LINGO2: variants seen among roughly 807,000 people sequenced by gnomAD.
LINGO2 encodes leucine rich repeat and Ig domain containing 2.
In LINGO2, 14 loss-of-function variants were observed where a neutral mutation model predicts 30.6. That is an observed-to-expected ratio of 0.46 (90% CI 0.30 to 0.72). LINGO2 has a LOEUF of 0.72. Among genes scored for constraint, LINGO2 ranks in the 30% least tolerant of loss-of-function variants. The pLI, the probability that LINGO2 is intolerant of heterozygous loss-of-function variation, is 0.07. For synonymous variants in LINGO2, 317 were observed against 288.5 expected (o/e 1.10, Z -1.00); for missense variants, 729 against 751.7 (o/e 0.97, Z 0.35).
intron 4 of LINGO2, among the ~76,000 whole-genome samples, chr9:28,172,367 G>C (rs2133666177): frequency 6.6e-6 from 1 of 150,566 alleles, no homozygotes; most frequent in South Asian, 2.1e-4. Flanking sequence ...CTCCAGCCTG[G>C]GCGACAGAGC....
intron 4 of LINGO2, among the ~76,000 whole-genome samples, chr9:28,202,746 C>G (rs1057406972): frequency 1.1e-4 from 17 of 152,052 alleles, no homozygotes; most frequent in African/African-American, 3.9e-4. Context: ...GATAATGTAC[C>G]TCATTAGGCT....
the LINGO2 span, among the ~76,000 whole-genome samples, chr9:28,750,076 C>T: frequency 6.6e-6 from 1 of 152,014 alleles, no homozygotes. Flanking sequence ...GATCATTTAG[C>T]CCAATTCTCT....
the LINGO2 span, among the ~76,000 whole-genome samples, chr9:28,765,796 G>A: frequency 1.3e-5 from 2 of 151,934 alleles, no homozygotes; most frequent in Admixed American, 1.3e-4. Flanking sequence ...CCCAGTCTCT[G>A]ATATCTCATA....
At chr9:28,678,941 T>A in the LINGO2 span, among the ~76,000 whole-genome samples, 1 of 152,074 alleles carries the variant, frequency 6.6e-6, no homozygotes, top group Non-Finnish European at 1.5e-5. Flanking sequence ...TAAATAATTT[T>A]AAAATAAAAT....
chr9:28,875,799 T>A, the LINGO2 span, among the ~76,000 whole-genome samples: 1 of 152,130 alleles, frequency 6.6e-6, no homozygotes, highest in Non-Finnish European at 1.5e-5. Flanking sequence ...CTTTTAAGAT[T>A]CTCTTATTTG....
chr9:28,022,353 T>C (rs1377846311), intron 4 of LINGO2, among the ~76,000 whole-genome samples: 5 of 152,066 alleles, frequency 3.3e-5, no homozygotes, highest in Admixed American at 3.3e-4. Flanking sequence ...TTATATCAAT[T>C]AAGATTAGAA....
At chr9:28,189,312 GAA>G (rs1819675358) in intron 4 of LINGO2, among the ~76,000 whole-genome samples, 3 of 59,172 alleles carry the variant, frequency 5.1e-5, no homozygotes, top group East Asian at 4.2e-4. Flanking sequence ...AGGGAGGAAG[GAA>G]GGAAGGAAGG....
intron 4 of LINGO2, among the ~76,000 whole-genome samples, chr9:28,053,125 A>T (rs1824754074): frequency 6.6e-6 from 1 of 151,916 alleles, no homozygotes. Flanking sequence ...GTATAATGAG[A>T]GTCATAGGAA....
At chr9:29,019,307 T>C in the LINGO2 span, among the ~76,000 whole-genome samples, 3,322 of 152,204 alleles carry the variant, frequency 0.022, 116 homozygotes, top group African/African-American at 0.074. Flanking sequence ...ATATACTAGT[T>C]CTTCAGGGCA....
chr9:29,164,963 T>C, the LINGO2 span, among the ~76,000 whole-genome samples: 1 of 152,150 alleles, frequency 6.6e-6, no homozygotes, highest in Non-Finnish European at 1.5e-5. Flanking sequence ...CTGAGGTCAA[T>C]ATCTAATTCA....
At chr9:28,216,228 T>C (rs79398809) in intron 4 of LINGO2, among the ~76,000 whole-genome samples, 1,575 of 152,036 alleles carry the variant, frequency 0.01, 29 homozygotes, top group Middle Eastern at 0.017. Flanking sequence ...TGTGGCCTCA[T>C]AGTCCACAAC....
chr9:29,160,609 G>C, the LINGO2 span, among the ~76,000 whole-genome samples: 1 of 152,088 alleles, frequency 6.6e-6, no homozygotes, highest in Non-Finnish European at 1.5e-5. Flanking sequence ...AAACCAGAGA[G>C]AATGTTACGA....
intron 4 of LINGO2, among the ~76,000 whole-genome samples, chr9:28,275,616 C>T (rs1207659806): frequency 6.6e-6 from 1 of 152,144 alleles, no homozygotes; most frequent in Admixed American, 6.5e-5. Flanking sequence ...TCTCTTACAG[C>T]CTTAACATGG....
chr9:28,777,578 T>C, the LINGO2 span, among the ~76,000 whole-genome samples: 1 of 152,162 alleles, frequency 6.6e-6, no homozygotes, highest in African/African-American at 2.4e-5. Flanking sequence ...AAGATATATA[T>C]TGATTTCACT....
intron 4 of LINGO2, among the ~76,000 whole-genome samples, chr9:28,243,175 A>T (rs1203777895): frequency 2.0e-5 from 3 of 152,014 alleles, no homozygotes; most frequent in Non-Finnish European, 4.4e-5. Context: ...GACACGGACT[A>T]GGCTGGGTGT....
chr9:28,104,699 A>T (rs1379061104), intron 4 of LINGO2, among the ~76,000 whole-genome samples: 1 of 151,994 alleles, frequency 6.6e-6, no homozygotes, highest in Non-Finnish European at 1.5e-5. Context: ...AAACTTACAC[A>T]TTTCTTCTCA....
the LINGO2 span, among the ~76,000 whole-genome samples, chr9:28,985,434 C>T: frequency 6.6e-6 from 1 of 151,970 alleles, no homozygotes; most frequent in Non-Finnish European, 1.5e-5. Flanking sequence ...TTTGAGAATC[C>T]ACTATACAAT....
Position 28,148,599 on chromosome 9 carries a change from G to A in LINGO2, c.-86-136194C>T. On this transcript the variant is annotated intron_variant, in intron 4 of 5. Coordinates refer to ENST00000379992, the Ensembl canonical transcript of LINGO2. This position sits in a 1 kb window ranked among gnomAD's most constrained non-coding sequence, Gnocchi z 5.1. ...TTCACTTCCTCCTGGTACAATCCCA[G>A]GCCCTTGGAGGGAAATGTCCACCTC... 1 of 1,509,840 alleles carries A rather than the reference G, an allele frequency of 6.6e-7. No individual in the cohort carries two copies. The highest frequency in any genetic ancestry group is 8.9e-7 in the Non-Finnish European group (1 of 1,124,298). The allele number at this position is 1,509,840 out of a possible 1,614,324, so 93.5% of individuals were successfully genotyped here.
the LINGO2 span, among the ~76,000 whole-genome samples, chr9:28,828,149 T>C: frequency 6.6e-6 from 1 of 151,630 alleles, no homozygotes; most frequent in Non-Finnish European, 1.5e-5. Flanking sequence ...CCTAAGAAAA[T>C]GGAGTCTAAG....
Sources: allele counts gnomAD v4.1 joint callset (sites outside exome capture counted in the v4.1 genomes callset), GRCh38; gene constraint gnomAD v4.1.1; non-coding constraint Gnocchi (gnomAD v3.1); transcripts MANE v1.5; gene names NCBI Gene and HGNC (gene_info 2026-07-23, HGNC 2026-07-21).